The following ITGA1 variants were observed in gnomAD, a reference collection of about 807,000 sequenced individuals.
ITGA1 encodes the protein integrin alpha-1.
A neutral mutation model predicts 145.9 loss-of-function variants in ITGA1; 85 were observed. The ratio of observed to expected loss-of-function variants is 0.58; its 90% CI spans 0.49 to 0.70. The LOEUF is 0.70. Ranked by LOEUF, ITGA1 falls within the 30% of genes least tolerant of loss-of-function variation. The pLI, the probability that ITGA1 is intolerant of heterozygous loss-of-function variation, is 0.00. For synonymous variants in ITGA1, 520 were observed against 495.3 expected (o/e 1.05, Z -0.66); for missense variants, 1,351 against 1,418.7 (o/e 0.95, Z 0.77).
intron 18 of ITGA1, 90 bp from the exon 19 acceptor site, chr5:52,925,185 TGGC>T (rs1448983886): frequency 3.4e-6 from 3 of 873,130 alleles, no homozygotes; most frequent in African/African-American, 1.7e-5. Flanking sequence ...TAACTTACTT[TGGC>T]TGTATGCCAT....
At chr5:52,884,361 C>G (rs892165386) in intron 7 of ITGA1, among the ~76,000 whole-genome samples, 1 of 151,492 alleles carries the variant, frequency 6.6e-6, no homozygotes, top group Non-Finnish European at 1.5e-5. Context: ...GCAGGAGAAG[C>G]GCCTGAACCC....
At chr5:52,929,778 T>C in intron 21 of ITGA1, 77 bp downstream of exon 21, 1 of 755,926 alleles carries the variant, frequency 1.3e-6, no homozygotes, top group Non-Finnish European at 2.2e-6. Flanking sequence ...TTTTGCTCTA[T>C]AAACTCACTG....
chr5:52,804,174 A>G (rs752898723), intron 1 of ITGA1: 2 of 152,214 alleles, frequency 1.3e-5, no homozygotes, highest in Non-Finnish European at 2.9e-5. Flanking sequence ...TCTGGAAAGC[A>G]TATACAGTAG....
chr5:52,797,830 G>A (rs1241007982), intron 1 of ITGA1, among the ~76,000 whole-genome samples: 1 of 152,178 alleles, frequency 6.6e-6, no homozygotes, highest in African/African-American at 2.4e-5. Flanking sequence ...GGGAGAATTA[G>A]AGCATAGGAA....
intron 23 of ITGA1, among the ~76,000 whole-genome samples, chr5:52,936,868 A>G (rs554864794): frequency 1.3e-5 from 2 of 151,366 alleles, no homozygotes; most frequent in Non-Finnish European, 2.9e-5. Context: ...CTGGGGGTAG[A>G]ATTGTGAAGG....
intron 8 of ITGA1, among the ~76,000 whole-genome samples, chr5:52,890,472 T>C (rs925302002): frequency 6.6e-6 from 1 of 152,190 alleles, no homozygotes; most frequent in Non-Finnish European, 1.5e-5. Flanking sequence ...GTGCACGAAG[T>C]GAACAATTTG....
intron 14 of ITGA1, among the ~76,000 whole-genome samples, chr5:52,911,334 G>A (rs1029444905): frequency 2.3e-5 from 3 of 132,906 alleles, no homozygotes; most frequent in African/African-American, 8.2e-5. Context: ...TGTATATAGT[G>A]TATATATAGT....
rs1345216057 is a variant in ITGA1, at chr5:52,876,125, C to T, written c.625-5748C>T. 2.6e-5 allele frequency among the ~76,000 whole-genome samples: 4 copies of T among 152,160 alleles called. No homozygotes were observed. The East Asian group carries it at 5.8e-4, about 22-fold the overall frequency. ...GATTTTCTCTCCTCTTGCTTCCTCA[C>T]GATGTTCATCACTTGGCTCACTTTT... On this transcript the variant is annotated intron_variant, in intron 6 of 28. Transcript: ENST00000282588.
At chr5:52,862,306 A>C (rs1749619545) in intron 3 of ITGA1, among the ~76,000 whole-genome samples, 2 of 152,086 alleles carry the variant, frequency 1.3e-5, no homozygotes, top group South Asian at 4.1e-4. Context: ...AGAATGGTCG[A>C]GCGGTCTAAG....
At chr5:52,863,142 T>C (rs1252771046) in intron 3 of ITGA1, among the ~76,000 whole-genome samples, 1 of 152,210 alleles carries the variant, frequency 6.6e-6, no homozygotes, top group Non-Finnish European at 1.5e-5. Flanking sequence ...CTTTTTTTAT[T>C]AGCAGGAAAT....
rs1047276671 is a variant in ITGA1 at position 52,948,463 on chromosome 5, T to A, written c.3495+1002T>A. On this transcript the variant is annotated intron_variant, in intron 28 of 28. Transcript: ENST00000282588. ...CAACTGTTCCTATCCTTTCTTACTC[T>A]CCTATGACTCACTTCCTCTTTTGAG... Among the ~76,000 whole-genome samples, 4 of 152,196 alleles carry A rather than the reference T, an allele frequency of 2.6e-5. No individual in the cohort carries two copies. In the South Asian group the frequency reaches 6.2e-4, roughly 24 times the overall value.
chr5:52,885,699 C>T (rs1750035420), intron 7 of ITGA1, among the ~76,000 whole-genome samples: 1 of 152,160 alleles, frequency 6.6e-6, no homozygotes, highest in Admixed American at 6.5e-5. Context: ...GAGCAATGGG[C>T]TTTTACGAGC....
chr5:52,808,987 G>A (rs1748642169), intron 1 of ITGA1, among the ~76,000 whole-genome samples: 1 of 151,904 alleles, frequency 6.6e-6, no homozygotes, highest in Non-Finnish European at 1.5e-5. Context: ...AACAATGCAG[G>A]ATTCAAAAAT....
At chr5:52,858,757 T>C (rs1274792069) in intron 2 of ITGA1, among the ~76,000 whole-genome samples, 1 of 152,234 alleles carries the variant, frequency 6.6e-6, no homozygotes. Flanking sequence ...TCAACATCGA[T>C]GTTAGTTGTT....
intron 2 of ITGA1, among the ~76,000 whole-genome samples, chr5:52,853,389 T>C (rs1321695359): frequency 6.6e-6 from 1 of 152,156 alleles, no homozygotes; most frequent in Non-Finnish European, 1.5e-5. Context: ...ATAATTGACA[T>C]ATTTGGAGGA....
chr5:52,830,314 T>C (rs1749038833), intron 1 of ITGA1, among the ~76,000 whole-genome samples: 1 of 152,178 alleles, frequency 6.6e-6, no homozygotes, highest in Non-Finnish European at 1.5e-5. Context: ...AAGAAACAGA[T>C]GATGAGGCTT....
intron 7 of ITGA1, among the ~76,000 whole-genome samples, chr5:52,883,444 AT>A (rs1197404875): frequency 1.3e-5 from 2 of 152,212 alleles, no homozygotes; most frequent in Non-Finnish European, 1.5e-5. Context: ...AGTTTATTGA[AT>A]TTTGATTATA....
chr5:52,797,245 T>G (rs940787403), intron 1 of ITGA1, among the ~76,000 whole-genome samples: 2 of 152,078 alleles, frequency 1.3e-5, no homozygotes, highest in Non-Finnish European at 2.9e-5. Flanking sequence ...TGAAAGATTT[T>G]ATAGTATACT....
chr5:52,800,865 CCTCA>C, intron 1 of ITGA1: 1 of 1,610,806 alleles, frequency 6.2e-7, no homozygotes. Flanking sequence ...CCAGCATGAC[CCTCA>C]CTCGGGCCAA....
Sources: gnomAD v4.1 joint callset for allele counts (sites outside exome capture counted in the v4.1 genomes callset) on GRCh38, gnomAD v4.1.1 for gene constraint, MANE v1.5 for transcripts, NCBI Gene and HGNC (gene_info 2026-07-23, HGNC 2026-07-21) for gene names.